The following CTNNA3 variants were observed in gnomAD, a reference collection of about 807,000 sequenced individuals.
The protein encoded by CTNNA3 is catenin alpha-3.
Under a neutral mutation model 95.7 loss-of-function variants are expected in CTNNA3, and 76 were observed. That is an observed-to-expected ratio of 0.79 (90% confidence interval 0.66 to 0.96). The LOEUF (loss-of-function observed/expected upper bound fraction) is 0.96. CTNNA3 is among the 40% of genes least tolerant of loss of function. CTNNA3 has a pLI of 0.00. For synonymous variants in CTNNA3, 431 were observed against 374.4 expected, an observed-to-expected ratio of 1.15 and a Z score of -1.74; for missense variants, 1,191 against 1,089.8, an observed-to-expected ratio of 1.09 and a Z score of -1.31.
chr10:67,654,038 T>G (rs1276632649), intron 1 of CTNNA3, among the ~76,000 whole-genome samples: 2 of 152,020 alleles, frequency 1.3e-5, no homozygotes, highest in African/African-American at 4.8e-5. Context: ...TGAGTTTGGG[T>G]GTACAGGCTG....
chr10:66,447,358 C>T (rs2093430511), intron 11 of CTNNA3, among the ~76,000 whole-genome samples: 1 of 144,520 alleles, frequency 6.9e-6, no homozygotes, highest in Non-Finnish European at 1.5e-5. Context: ...AAAGAGCCCG[C>T]ATCGCCAAGT....
At chr10:66,042,926 A>AAAAAAAAAG (rs2079731764) in intron 15 of CTNNA3, among the ~76,000 whole-genome samples, 1 of 142,824 alleles carries the variant, frequency 7.0e-6, no homozygotes, top group Non-Finnish European at 1.5e-5. Flanking sequence ...AAAAAAAAAA[A>AAAAAAAAAG]AAAGAAAATA....
At chr10:66,321,941 C>A (rs72801016) in intron 12 of CTNNA3, among the ~76,000 whole-genome samples, 2,772 of 152,124 alleles carry the variant, frequency 0.018, 43 homozygotes, top group Non-Finnish European at 0.03. Context: ...TGGATTATAT[C>A]CAAGTTGGCA....
At chr10:67,013,420 T>C (rs926235713) in intron 7 of CTNNA3, among the ~76,000 whole-genome samples, 11 of 152,228 alleles carry the variant, frequency 7.2e-5, no homozygotes, top group African/African-American at 2.7e-4. Context: ...ATCATTGTTA[T>C]CATTTCCAAT....
intron 10 of CTNNA3, among the ~76,000 whole-genome samples, chr10:66,573,382 A>G (rs1271846744): frequency 1.3e-5 from 2 of 152,202 alleles, no homozygotes; most frequent in Admixed American, 6.5e-5. Flanking sequence ...CTCGCAGCCC[A>G]TAGCTTCAGG....
At chr10:67,162,311 C>A (rs1482647600) in intron 7 of CTNNA3, among the ~76,000 whole-genome samples, 1 of 151,830 alleles carries the variant, frequency 6.6e-6, no homozygotes, top group African/African-American at 2.4e-5. Context: ...CTACAGGCAG[C>A]AAAGGACAAT....
intron 13 of CTNNA3, among the ~76,000 whole-genome samples, chr10:66,172,713 G>A (rs1207851586): frequency 6.6e-6 from 1 of 152,060 alleles, no homozygotes; most frequent in African/African-American, 2.4e-5. Context: ...AGAAGAAAAT[G>A]GTCCTTAACC....
intron 9 of CTNNA3, among the ~76,000 whole-genome samples, chr10:66,719,225 C>A (rs909197255): frequency 1.3e-5 from 2 of 152,094 alleles, no homozygotes; most frequent in African/African-American, 4.8e-5. Context: ...TTCTAAGACT[C>A]TTGATTATAA....
At chr10:66,524,402 A>G (rs1384921197) in intron 10 of CTNNA3, among the ~76,000 whole-genome samples, 18 of 152,254 alleles carry the variant, frequency 1.2e-4, no homozygotes, top group Admixed American at 9.2e-4. Flanking sequence ...GCCCACACTG[A>G]GAGGACAGCC....
chr10:67,742,175 C>A lies in CTNNA3; in HGVS notation c.-2+21259G>T, dbSNP rs558929432. Among the ~76,000 whole-genome samples the A allele has an allele frequency of 2.0e-5, 3 of 150,960 alleles. No homozygotes were observed. In the Admixed American group the frequency reaches 2.0e-4, roughly 10 times the overall value. On this transcript the variant is annotated intron_variant, in intron 1 of 17. Coordinates refer to the CTNNA3 transcript ENST00000684154. ...AGCGGACCTAATAGACACAACTTTCCACCCCAAATCAACAGAATATACATT... is the reference window on the plus strand; with the variant it reads ...AGCGGACCTAATAGACACAACTTTCAACCCCAAATCAACAGAATATACATT...
intron 6 of CTNNA3, among the ~76,000 whole-genome samples, chr10:67,185,882 T>C (rs939564333): frequency 1.3e-5 from 2 of 151,922 alleles, no homozygotes; most frequent in African/African-American, 4.8e-5. Flanking sequence ...TAGCTAGGCA[T>C]GGTGGCATGT....
intron 7 of CTNNA3, among the ~76,000 whole-genome samples, chr10:67,008,253 A>G (rs959861384): frequency 2.0e-5 from 3 of 152,108 alleles, no homozygotes; most frequent in Admixed American, 6.6e-5. Flanking sequence ...GTTTTATCCT[A>G]ACTTCCATCA....
chr10:66,173,388 A>T (rs1271229369), intron 13 of CTNNA3, among the ~76,000 whole-genome samples: 1 of 152,140 alleles, frequency 6.6e-6, no homozygotes, highest in Non-Finnish European at 1.5e-5. Context: ...ACAAGGATTT[A>T]AATGGAAGAT....
chr10:66,674,386 T>A (rs1846772815), intron 9 of CTNNA3, among the ~76,000 whole-genome samples: 1 of 152,018 alleles, frequency 6.6e-6, no homozygotes, highest in South Asian at 2.1e-4. Flanking sequence ...GTAATTAAGG[T>A]TATGGGCACT....
intron 11 of CTNNA3, among the ~76,000 whole-genome samples, chr10:66,424,142 G>A (rs1211382759): frequency 6.6e-6 from 1 of 151,438 alleles, no homozygotes; most frequent in African/African-American, 2.4e-5. Flanking sequence ...TTCTATTTAT[G>A]CACTACTTTA....
At chr10:67,107,066 CAT>C (rs1260451031) in intron 7 of CTNNA3, among the ~76,000 whole-genome samples, 23 of 152,154 alleles carry the variant, frequency 1.5e-4, no homozygotes, top group African/African-American at 5.5e-4. Context: ...TGATAAATGA[CAT>C]AGAACTTCAA....
chr10:67,529,261 A>G (rs1840245436), intron 4 of CTNNA3, among the ~76,000 whole-genome samples: 1 of 152,148 alleles, frequency 6.6e-6, no homozygotes, highest in South Asian at 2.1e-4. Context: ...GTTAACAATA[A>G]CTTATCACAT....
chr10:66,168,364 T>C (rs2085248843), intron 13 of CTNNA3, among the ~76,000 whole-genome samples: 1 of 152,106 alleles, frequency 6.6e-6, no homozygotes, highest in Admixed American at 6.6e-5. Context: ...ATTATTTTTT[T>C]TTAAAAAAAT....
chr10:66,024,392 T>C (rs2133437869), intron 15 of CTNNA3, among the ~76,000 whole-genome samples: 1 of 152,268 alleles, frequency 6.6e-6, no homozygotes, highest in East Asian at 1.9e-4. Context: ...CCCGACCCCA[T>C]GCAAAACTTT....
Sources: allele counts gnomAD v4.1 joint callset (sites outside exome capture counted in the v4.1 genomes callset), GRCh38; gene constraint gnomAD v4.1.1; transcripts MANE v1.5; gene names NCBI Gene and HGNC (gene_info 2026-07-23, HGNC 2026-07-21).